Variants in CNPY1 observed in about 807,000 individuals in gnomAD.
CNPY1 encodes protein canopy homolog 1.
CNPY1 carries 14 observed loss-of-function variants against 14.4 expected under a neutral mutation model. The ratio of observed to expected loss-of-function variants is 0.97; its 90% CI spans 0.64 to 1.52. The LOEUF is 1.52. CNPY1 is among the 40% of genes most tolerant of loss of function. The pLI, the probability that CNPY1 is intolerant of heterozygous loss-of-function variation, is 0.00. For synonymous variants in CNPY1, 43 were observed against 46.5 expected (o/e 0.92, Z 0.31); for missense variants, 129 against 131.5 (o/e 0.98, Z 0.09).
intron 2 of CNPY1, among the ~76,000 whole-genome samples, chr7:155,533,473 G>A (rs930975297): frequency 1.3e-5 from 2 of 152,192 alleles, no homozygotes; most frequent in Non-Finnish European, 2.9e-5. Context: ...GGTGCAGGGC[G>A]CGCCTCAGAA....
At chr7:155,509,462 A>C (rs1796451353) in intron 2 of CNPY1, among the ~76,000 whole-genome samples, 1 of 152,172 alleles carries the variant, frequency 6.6e-6, no homozygotes, top group Non-Finnish European at 1.5e-5. Context: ...TCTACTTGTC[A>C]GACAGAGAGA....
At chr7:155,528,868 G>A (rs537317480) in intron 2 of CNPY1, among the ~76,000 whole-genome samples, 19 of 152,264 alleles carry the variant, frequency 1.2e-4, no homozygotes, top group Admixed American at 3.9e-4. Context: ...AGACCATCCT[G>A]GCTAACATGA....
chr7:155,521,559 C>T (rs182948095), intron 2 of CNPY1, among the ~76,000 whole-genome samples: 28 of 152,322 alleles, frequency 1.8e-4, no homozygotes, highest in Non-Finnish European at 2.2e-4. Context: ...AATCGCCAGG[C>T]GGCAGCCTCC....
intron 2 of CNPY1, among the ~76,000 whole-genome samples, chr7:155,517,707 C>A (rs1195294662): frequency 1.3e-5 from 2 of 152,192 alleles, no homozygotes; most frequent in African/African-American, 4.8e-5. Flanking sequence ...CGGGGTCCGC[C>A]CAAACACCTG....
chr7:155,526,652 G>A (rs886461310), intron 2 of CNPY1, among the ~76,000 whole-genome samples: 11 of 152,178 alleles, frequency 7.2e-5, no homozygotes, highest in African/African-American at 2.7e-4. Flanking sequence ...TCAATGAAAG[G>A]GGAATAAAGG....
intron 2 of CNPY1, among the ~76,000 whole-genome samples, chr7:155,531,390 T>C (rs1373432696): frequency 6.6e-6 from 1 of 152,180 alleles, no homozygotes; most frequent in Non-Finnish European, 1.5e-5. Context: ...CTAAATAACA[T>C]GTAGGTAATT....
intron 2 of CNPY1, among the ~76,000 whole-genome samples, chr7:155,523,583 G>T (rs925811734): frequency 9.2e-5 from 14 of 152,130 alleles, no homozygotes; most frequent in Non-Finnish European, 1.9e-4. Flanking sequence ...CGGGGGCTGG[G>T]TCGGTGCCCC....
At chr7:155,508,727 T>C (rs1025137472) in intron 3 of CNPY1, among the ~76,000 whole-genome samples, 167 bp downstream of exon 3, 5 of 152,168 alleles carry the variant, frequency 3.3e-5, no homozygotes, top group Admixed American at 1.3e-4. Flanking sequence ...AAACGCATGG[T>C]GAGCACTTAA....
chr7:155,508,777 G>A, intron 3 of CNPY1, 117 bp downstream of exon 3: 1 of 1,080,140 alleles, frequency 9.3e-7, no homozygotes, highest in Non-Finnish European at 1.4e-6. Context: ...ATTTTAATGT[G>A]CATTTTGATG....
intron 2 of CNPY1, among the ~76,000 whole-genome samples, chr7:155,515,335 C>T (rs1399346458): frequency 6.9e-6 from 1 of 144,024 alleles, no homozygotes; most frequent in East Asian, 2.3e-4. Context: ...TCTTTCACAT[C>T]CTAAGAACAG....
At chr7:155,510,155 C>A (rs1250117610) in intron 2 of CNPY1, 1 of 152,254 alleles carries the variant, frequency 6.6e-6, no homozygotes, top group Non-Finnish European at 1.5e-5. Context: ...CCCTTTCAGG[C>A]GCAGTATGAA....
At chr7:155,533,418 T>TCTAA (rs1796975368) in intron 2 of CNPY1, among the ~76,000 whole-genome samples, 1 of 152,218 alleles carries the variant, frequency 6.6e-6, no homozygotes, top group Admixed American at 6.5e-5. Flanking sequence ...GTTTGTTTAC[T>TCTAA]CTAAGCATAT....
intron 2 of CNPY1, among the ~76,000 whole-genome samples, chr7:155,538,902 A>C (rs1429044746): frequency 6.6e-6 from 1 of 152,176 alleles, no homozygotes; most frequent in East Asian, 1.9e-4. Context: ...CTATGGGGGA[A>C]GAATTCCTCC....
In CNPY1 at chr7:155,540,521, G is replaced by A. The variant is rs574654932; in HGVS notation, c.99+5310C>T. 3.9e-5 allele frequency among the ~76,000 whole-genome samples: 6 copies of A among 152,358 alleles called. 1 individual carries two copies. The South Asian group carries it at 1.2e-3, about 32-fold the overall frequency. On this transcript the variant is annotated intron_variant, in intron 2 of 4. Coordinates refer to ENST00000636446, the MANE Select transcript of CNPY1 (RefSeq NM_001393663.1). ...TGTTTTAAAGCTTAAAGAAGCATGAGGTGTTGGTGCAAACCGGATATTGGC... is the reference window on the plus strand; with the variant it reads ...TGTTTTAAAGCTTAAAGAAGCATGAAGTGTTGGTGCAAACCGGATATTGGC...
In CNPY1 at chr7:155,502,220, C is replaced by T. The variant is rs1175120066; in HGVS notation, c.*848G>A. 1 of 152,072 alleles carries T rather than the reference C, an allele frequency of 6.6e-6. No homozygotes were observed. Among genetic ancestry groups the T allele is most frequent in the Admixed American group, 6.5e-5 (1 of 15,278 alleles). The allele number at this position is 152,072 out of a possible 1,614,324, so 9.4% of individuals were successfully genotyped here. ...CCAAAAGATAATTTCCCACCAGGTC[C>T]CAACTCTTTTTCCATTCCTGTAGAA... is the stretch of plus-strand genomic sequence containing the variant. On this transcript the variant is annotated 3_prime_UTR_variant, in exon 5 of 5. Transcript: ENST00000636446.
chr7:155,527,947 C>A (rs1364700330), intron 2 of CNPY1, among the ~76,000 whole-genome samples: 2 of 152,206 alleles, frequency 1.3e-5, no homozygotes, highest in Admixed American at 1.3e-4. Flanking sequence ...CAGGCTCCTT[C>A]CCCAAACCTT....
chr7:155,534,312 CACACACATGCACACACACGTGCACAGAG>C (rs1251014358), intron 2 of CNPY1, among the ~76,000 whole-genome samples: 2 of 151,064 alleles, frequency 1.3e-5, no homozygotes, highest in East Asian at 3.9e-4. Context: ...TGCATGCACA[CACACACATGCACACACACGTGCACAGAG>C]GCACACATGC....
intron 2 of CNPY1, among the ~76,000 whole-genome samples, chr7:155,529,828 G>A (rs965694458): frequency 6.6e-5 from 10 of 150,646 alleles, no homozygotes; most frequent in African/African-American, 1.2e-4. Flanking sequence ...TGTCGCGCAC[G>A]CTGGAGTGCA....
intron 2 of CNPY1, among the ~76,000 whole-genome samples, chr7:155,515,617 G>A (rs548841499): frequency 6.6e-6 from 1 of 152,050 alleles, no homozygotes; most frequent in African/African-American, 2.4e-5. Context: ...CTGGGGAGTC[G>A]ACTGGGGGAA....
Sources: gnomAD v4.1 joint callset for allele counts (sites outside exome capture counted in the v4.1 genomes callset) on GRCh38, gnomAD v4.1.1 for gene constraint, MANE v1.5 for transcripts, NCBI Gene and HGNC (gene_info 2026-07-23, HGNC 2026-07-21) for gene names.